The following STON1 variants were observed in gnomAD, a reference collection of about 807,000 sequenced individuals.
STON1 encodes the protein stonin-1.
Under a neutral mutation model 60.9 loss-of-function variants are expected in STON1, and 79 were observed. The observed-to-expected ratio is 1.30, with a 90% confidence interval of 1.08 to 1.56. The LOEUF (loss-of-function observed/expected upper bound fraction) is 1.56. Among genes scored for constraint, STON1 ranks in the 40% most tolerant of loss-of-function variants. The pLI, the probability that STON1 is intolerant of heterozygous loss-of-function variation, is 0.00. For synonymous variants in STON1, 363 were observed against 306.9 expected (o/e 1.18, Z -1.91); for missense variants, 1,166 against 858.9 (o/e 1.36, Z -4.47).
chr2:48,563,413 GTCC>G (rs1672687873), intron 1 of STON1, among the ~76,000 whole-genome samples: 1 of 152,208 alleles, frequency 6.6e-6, no homozygotes. Flanking sequence ...AGGCAGGGAT[GTCC>G]TCCTACGCGG....
intron 1 of STON1, among the ~76,000 whole-genome samples, chr2:48,537,947 T>C (rs972952099): frequency 2.0e-5 from 3 of 151,876 alleles, no homozygotes; most frequent in African/African-American, 4.8e-5. Context: ...ATCATAAGTA[T>C]ATGTCTTTCT....
chr2:48,558,598 T>A (rs1672480886), intron 1 of STON1, among the ~76,000 whole-genome samples: 1 of 152,358 alleles, frequency 6.6e-6, no homozygotes, highest in South Asian at 2.1e-4. Flanking sequence ...ATCTGCTTAC[T>A]GGGGTGAATA....
chr2:48,596,528 A>T lies in STON1; in HGVS notation c.*1226A>T, dbSNP rs538948564. The T allele has an allele frequency of 1.4e-4, 22 of 152,226 alleles. No homozygotes were observed. The highest frequency in any genetic ancestry group is 2.8e-4 in the Non-Finnish European group (19 of 68,024). The allele number at this position is 152,226 out of a possible 1,614,324, so 9.4% of individuals were successfully genotyped here. ...TGAAAAACAAACTCCCCCATGTGGT[A>T]TTAATATACCTTCAATTTATGTTGA... On this transcript the variant is annotated 3_prime_UTR_variant, in exon 4 of 4. Coordinates refer to ENST00000404752, the MANE Select transcript of STON1 (RefSeq NM_006873.4).
chr2:48,560,749 C>A (rs79941806), intron 1 of STON1, among the ~76,000 whole-genome samples: 1 of 152,154 alleles, frequency 6.6e-6, no homozygotes, highest in African/African-American at 2.4e-5. Flanking sequence ...AGGAGCTGGG[C>A]GAGAGGGTGG....
intron 1 of STON1, among the ~76,000 whole-genome samples, chr2:48,548,779 C>T (rs965894024): frequency 8.5e-5 from 13 of 152,290 alleles, no homozygotes; most frequent in East Asian, 3.9e-4. Flanking sequence ...GGATTACAGG[C>T]GTGAGCCACC....
At chr2:48,550,987 C>A (rs976132180) in intron 1 of STON1, among the ~76,000 whole-genome samples, 1 of 151,688 alleles carries the variant, frequency 6.6e-6, no homozygotes, top group Non-Finnish European at 1.5e-5. Context: ...TTTTTTGTAA[C>A]TATTTTTTCT....
intron 1 of STON1, among the ~76,000 whole-genome samples, chr2:48,549,911 T>A (rs1449315252): frequency 6.6e-6 from 1 of 151,098 alleles, no homozygotes; most frequent in African/African-American, 2.4e-5. Flanking sequence ...TGGGACCGAC[T>A]CTTGTCCTCA....
At chr2:48,590,515 A>T (rs1434709812) in intron 2 of STON1, among the ~76,000 whole-genome samples, 1 of 152,150 alleles carries the variant, frequency 6.6e-6, no homozygotes, top group Non-Finnish European at 1.5e-5. Context: ...TATCTCATAC[A>T]TTTATTTAAG....
chr2:48,581,067 C>G lies in STON1; in HGVS notation c.434C>G (p.Pro145Arg). The part of the protein sequence containing the change: ...LLPSDHSCTH[P>R]TPKVGLPDEV... ...CCCAGTGACCACTCATGTACACATC[C>G]AACTCCCAAAGTAGGTCTTCCAGAT... The change falls in exon 2 of 4, where the codon CCA becomes CGA. Residue 145 changes from proline (P) to arginine (R), a missense_variant. Physicochemically the swap from Pro to Arg is moderately radical, Grantham distance 103 (BLOSUM62 -2). Coordinates refer to ENST00000404752, the MANE Select transcript of STON1 (RefSeq NM_006873.4). The G allele has an allele frequency of 1.9e-6, 3 of 1,597,212 alleles. No homozygotes were observed. The highest frequency in any genetic ancestry group is 2.6e-6 in the Non-Finnish European group (3 of 1,173,426).
chr2:48,590,884 T>A (rs1254661885), intron 2 of STON1, among the ~76,000 whole-genome samples: 1 of 152,216 alleles, frequency 6.6e-6, no homozygotes, highest in Non-Finnish European at 1.5e-5. Flanking sequence ...AAAAATAATT[T>A]GTTCCACTGA....
chr2:48,575,734 G>T (rs1283058906), intron 1 of STON1, among the ~76,000 whole-genome samples: 2 of 148,766 alleles, frequency 1.3e-5, no homozygotes, highest in African/African-American at 4.9e-5. Context: ...GGATCATATG[G>T]TAGTTCTATT....
chr2:48,563,896 C>T (rs979058549), intron 1 of STON1, among the ~76,000 whole-genome samples: 2 of 151,588 alleles, frequency 1.3e-5, no homozygotes, highest in Non-Finnish European at 2.9e-5. Context: ...GATGAGGTCT[C>T]ACTATGTTGC....
intron 2 of STON1, among the ~76,000 whole-genome samples, chr2:48,584,201 A>G (rs184063445): frequency 1.1e-3 from 169 of 152,208 alleles, no homozygotes; most frequent in African/African-American, 4.0e-3. Context: ...AGGCCCCTCC[A>G]GGCTGTGGAC....
chr2:48,588,346 CTT>C (rs1238286367), intron 2 of STON1, among the ~76,000 whole-genome samples: 4 of 152,142 alleles, frequency 2.6e-5, no homozygotes, highest in Non-Finnish European at 5.9e-5. Context: ...TCTCGGAAAA[CTT>C]TGCATTATTT....
intron 1 of STON1, among the ~76,000 whole-genome samples, chr2:48,555,376 T>C (rs1470217846): frequency 2.4e-4 from 10 of 41,446 alleles, no homozygotes; most frequent in East Asian, 9.3e-4. Context: ...GAGGGGCTCC[T>C]CACTTCCCAG....
At position 48,564,484 on chromosome 2, in the gene STON1, TTCTTCTTCTTCTTCTTC is replaced by T. The variant is rs1672792944; in HGVS notation, c.-47-16101_-47-16085del. ...TTCTTCTTCTTCTTCTTCTTCTTTC[TTCTTCTTCTTCTTCTTC>T]TTCTTCTTCTTCTTCTTCTTCTTCT... On this transcript the variant is annotated intron_variant, in intron 1 of 3. Coordinates refer to ENST00000404752, the MANE Select transcript of STON1 (RefSeq NM_006873.4). Among the ~76,000 whole-genome samples the T allele has an allele frequency of 6.4e-4, 15 of 23,290 alleles. 1 individual carries two copies. Among genetic ancestry groups the T allele is most frequent in the East Asian group, 2.2e-3 (2 of 898 alleles). 15.3% of individuals were successfully genotyped at this position (23,290 alleles called of 152,430 possible).
At chr2:48,550,679 C>T (rs901444986) in intron 1 of STON1, among the ~76,000 whole-genome samples, 1 of 151,464 alleles carries the variant, frequency 6.6e-6, no homozygotes, top group Non-Finnish European at 1.5e-5. Context: ...GAAACTGAGG[C>T]TCAAGGATGA....
chr2:48,538,417 C>T lies in STON1; in HGVS notation c.-48+8201C>T, dbSNP rs149772696. 2.9e-4 allele frequency among the ~76,000 whole-genome samples: 44 copies of T among 152,146 alleles called. No individual in the cohort carries two copies. The East Asian group carries it at 6.9e-3, about 24-fold the overall frequency. On this transcript the variant is annotated intron_variant, in intron 1 of 3. Transcript: ENST00000404752. ...ATAAATGATTAGTGATGAATTTAGG[C>T]TTTCTATTCCTTCTTGATTCAGTTT...
intron 1 of STON1, among the ~76,000 whole-genome samples, chr2:48,539,120 G>A: frequency 6.6e-6 from 1 of 152,112 alleles, no homozygotes; most frequent in Non-Finnish European, 1.5e-5. Context: ...GTCTTGCTAT[G>A]TTGACCAGAC....
Sources: allele counts gnomAD v4.1 joint callset (sites outside exome capture counted in the v4.1 genomes callset), GRCh38; gene constraint gnomAD v4.1.1; transcripts MANE v1.5; gene names NCBI Gene and HGNC (gene_info 2026-07-23, HGNC 2026-07-21).